The following LATS2 variants were observed in gnomAD, a reference collection of about 807,000 sequenced individuals.
LATS2 encodes the protein serine/threonine-protein kinase LATS2.
LATS2 carries 24 observed loss-of-function variants against 76.0 expected under a neutral mutation model. The ratio of observed to expected loss-of-function variants is 0.32; its 90% CI spans 0.23 to 0.44. LATS2 has a LOEUF of 0.44. Among genes scored for constraint, LATS2 ranks in the 20% least tolerant of loss-of-function variants. The pLI is 1.00. For synonymous variants in LATS2, 692 were observed against 635.4 expected, an observed-to-expected ratio of 1.09 and a Z score of -1.34; for missense variants, 1,286 against 1,481.2, an observed-to-expected ratio of 0.87 and a Z score of 2.16.
At chr13:21,051,540 T>A (rs1446423911) in intron 1 of LATS2, among the ~76,000 whole-genome samples, 2 of 152,034 alleles carry the variant, frequency 1.3e-5, no homozygotes, top group Non-Finnish European at 2.9e-5. Flanking sequence ...AAGTTTCTGG[T>A]TTGAAAAATG....
At chr13:20,989,818 GTTTTT>G (rs201109040) in intron 3 of LATS2, among the ~76,000 whole-genome samples, 1 of 151,920 alleles carries the variant, frequency 6.6e-6, no homozygotes, top group Non-Finnish European at 1.5e-5. Flanking sequence ...AGACTTTCTA[GTTTTT>G]TTTGTCTATA....
intron 2 of LATS2, among the ~76,000 whole-genome samples, chr13:21,022,381 C>T (rs553089): frequency 0.41 from 62,961 of 151,934 alleles, 14,865 homozygotes; most frequent in African/African-American, 0.63. Flanking sequence ...GCCATGCATG[C>T]ACCTAGATGG....
chr13:21,021,933 C>A (rs1221644051), intron 2 of LATS2, among the ~76,000 whole-genome samples: 2 of 152,054 alleles, frequency 1.3e-5, no homozygotes, highest in Non-Finnish European at 2.9e-5. Flanking sequence ...AGAGAAAAAC[C>A]AAAAATCTTT....
Position 21,007,577 on chromosome 13 carries a change from A to AG in LATS2, c.343-16174_343-16173insC, listed in dbSNP as rs375364724. On this transcript the variant is annotated intron_variant, in intron 2 of 7. Coordinates refer to ENST00000382592, the MANE Select transcript of LATS2 (RefSeq NM_014572.3). Reference sequence around the variant, plus strand: ...TATATATATATATATATATATATATATATATATATAGTATATATATATATA... The same window carrying AG: ...TATATATATATATATATATATATATAGTATATATATAGTATATATATATATA... Among the ~76,000 whole-genome samples the AG allele has an allele frequency of 3.9e-3, 76 of 19,572 alleles. 15 individuals are homozygous for AG. The highest frequency in any genetic ancestry group is 0.026 in the African/African-American group (65 of 2,462). The allele number at this position is 19,572 out of a possible 152,430, so 12.8% of individuals were successfully genotyped here. A position where few individuals can be genotyped will look rare whatever the true frequency, so the allele number is the denominator to read the frequency against.
intron 1 of LATS2, among the ~76,000 whole-genome samples, chr13:21,049,327 AG>A (rs559576917): frequency 1.2e-3 from 187 of 152,324 alleles, no homozygotes; most frequent in Non-Finnish European, 2.3e-3. Context: ...TGGGCTTAGA[AG>A]GGACAAGTGC....
At chr13:21,031,021 T>G (rs1414869458) in intron 2 of LATS2, among the ~76,000 whole-genome samples, 1 of 152,234 alleles carries the variant, frequency 6.6e-6, no homozygotes, top group African/African-American at 2.4e-5. Context: ...CTTCAGCACT[T>G]TGTGTCATTT....
chr13:21,060,657 G>A (rs868866416), intron 1 of LATS2, among the ~76,000 whole-genome samples: 3 of 151,660 alleles, frequency 2.0e-5, no homozygotes, highest in Admixed American at 2.0e-4. Flanking sequence ...CGCGGCAGTG[G>A]GTGAGGCGGC....
chr13:21,046,193 A>G lies in LATS2; in HGVS notation c.-167T>C, dbSNP rs1204372124. On this transcript the variant is annotated 5_prime_UTR_variant, in exon 2 of 8. Transcript: ENST00000382592. ...TTTTGTAGTTCCTATAGAGAACCTAAAATTTTCCAAAGTCTTCATTTTGAA... is the reference window on the plus strand; with the variant it reads ...TTTTGTAGTTCCTATAGAGAACCTAGAATTTTCCAAAGTCTTCATTTTGAA... 1 of 524,566 alleles carries G rather than the reference A, an allele frequency of 1.9e-6. No individual in the cohort carries two copies. Among genetic ancestry groups the G allele is most frequent in the Non-Finnish European group, 3.3e-6 (1 of 304,524 alleles). 32.5% of individuals were successfully genotyped at this position (524,566 alleles called of 1,614,324 possible). A position where few individuals can be genotyped will look rare whatever the true frequency, so the allele number is the denominator to read the frequency against.
rs1255591169 is a variant in LATS2 at position 20,983,853 on chromosome 13, C to T, written c.1900-47G>A. On this transcript the variant is annotated intron_variant, in intron 4 of 7. Transcript: ENST00000382592. ...GAGGAAGAATCACATTAGAGAAGTC[C>T]CATGATAACAAATGACTGGGATGGG... The T allele has an allele frequency of 5.5e-6, 8 of 1,460,570 alleles. No individual in the cohort carries two copies. In the Admixed American group the frequency reaches 1.1e-4, roughly 20 times the overall value. 90.5% of individuals were successfully genotyped at this position (1,460,570 alleles called of 1,614,324 possible).
intron 3 of LATS2, 61 bp from the exon 4 acceptor site, chr13:20,989,365 T>C (rs2138292530): frequency 6.3e-7 from 1 of 1,575,352 alleles, no homozygotes; most frequent in East Asian, 2.2e-5. Context: ...GTTCTGGCAC[T>C]TCCAGGCTGG....
chr13:20,975,274 C>A lies in LATS2; in HGVS notation c.2863G>T (p.Ala955Ser), dbSNP rs764574613. Reference protein sequence around the residue: ...RDLITKLCCSADHRLGRNGAD... With the variant: ...RDLITKLCCSSDHRLGRNGAD... ...CCATTCCGCCCCAGGCGGTGGTCTG[C>A]GGAGCAGCACAGCTTGGTGATGAGG... is the stretch of plus-strand genomic sequence containing the variant. Residue 955 changes from alanine to serine, a missense_variant, in exon 8 of 8, where the codon GCA becomes TCA. By Grantham distance (99) the Ala-to-Ser change is moderately conservative. Around this residue, in one of 5 missense-constraint regions of LATS2, gnomAD observed 210 missense variants for 234.9 expected, o/e 0.89. Coordinates refer to ENST00000382592, the MANE Select transcript of LATS2 (RefSeq NM_014572.3). The A allele has an allele frequency of 9.3e-6, 15 of 1,613,828 alleles. No individual in the cohort carries two copies. In the East Asian group the frequency reaches 2.5e-4, roughly 26 times the overall value.
chr13:20,975,460 T>G (rs918361827), intron 7 of LATS2, 96 bp from the exon 8 acceptor site: 1 of 1,290,478 alleles, frequency 7.7e-7, no homozygotes, highest in African/African-American at 1.5e-5. Context: ...TATGTTTAGT[T>G]TCACAATAGG....
At chr13:20,985,828 C>T (rs369800545) in intron 4 of LATS2, among the ~76,000 whole-genome samples, 6 of 151,882 alleles carry the variant, frequency 4.0e-5, no homozygotes, top group Admixed American at 1.3e-4. Flanking sequence ...GGTGGATCAT[C>T]TGAGGTCGGA....
At chr13:21,014,041 A>G (rs1363835153) in intron 2 of LATS2, among the ~76,000 whole-genome samples, 2 of 151,990 alleles carry the variant, frequency 1.3e-5, no homozygotes, top group East Asian at 3.9e-4. Context: ...AGGAGGAGGA[A>G]GAAGGAGAGA....
chr13:20,988,146 C>T lies in LATS2; in HGVS notation c.1634G>A (p.Arg545His), dbSNP rs749940600. Residue 545 changes from arginine to histidine, a missense_variant, in exon 4 of 8, where the codon CGT becomes CAT. Arg to His is a conservative substitution (Grantham distance 29). This residue lies in a region of LATS2 where 710 missense variants were observed against 660.9 expected (regional missense o/e 1.07). Coordinates refer to ENST00000382592, the MANE Select transcript of LATS2 (RefSeq NM_014572.3). ...GCCCTCGGGCTCGTTGGGGCCCGCA[C>T]GGAGGCTCTGCTCCATGCCTGCGCA... is the stretch of plus-strand genomic sequence containing the variant. ...SLCAGMEQSL[R>H]AGPNEPEGGD... is the part of the protein sequence containing the mutation. 3 of 1,614,040 alleles carry T rather than the reference C, an allele frequency of 1.9e-6. No individual in the cohort carries two copies. The highest frequency in any genetic ancestry group is 2.7e-5 in the African/African-American group (2 of 74,956).
rs1869477570 is a variant in LATS2 at position 20,974,201 on chromosome 13, A to G, written c.*669T>C. The G allele has an allele frequency of 4.4e-6, 1 of 225,912 alleles. No homozygotes were observed. The highest frequency in any genetic ancestry group is 2.2e-5 in the African/African-American group (1 of 44,836). The allele number at this position is 225,912 out of a possible 1,614,324, so 14.0% of individuals were successfully genotyped here. On this transcript the variant is annotated 3_prime_UTR_variant, in exon 8 of 8. Transcript: ENST00000382592. The stretch of plus-strand genomic sequence containing the variant: ...CAAGATATGGTAATTTTATAATAGA[A>G]GAACTCTGCTCATGCAGTACTCTCC...
chr13:21,060,803 T>C (rs1426009568), intron 1 of LATS2, among the ~76,000 whole-genome samples: 1 of 150,760 alleles, frequency 6.6e-6, no homozygotes, highest in Non-Finnish European at 1.5e-5. Flanking sequence ...CGTGGGACGA[T>C]GGCGCGGCCG....
intron 1 of LATS2, among the ~76,000 whole-genome samples, chr13:21,050,526 G>GTA (rs1345162250): frequency 1.3e-5 from 2 of 152,158 alleles, no homozygotes; most frequent in African/African-American, 4.8e-5. Flanking sequence ...CATACACGTA[G>GTA]TATATATATA....
At position 20,973,940 on chromosome 13, in the gene LATS2, T is replaced by C. The variant is rs1475531438; in HGVS notation, c.*930A>G. 4.6e-6 allele frequency: 1 copy of C among 216,480 alleles called. No homozygotes were observed. Among genetic ancestry groups the C allele is most frequent in the African/African-American group, 2.3e-5 (1 of 43,552 alleles). The allele number at this position is 216,480 out of a possible 1,614,324, so 13.4% of individuals were successfully genotyped here. A position where few individuals can be genotyped will look rare whatever the true frequency, so the allele number is the denominator to read the frequency against. On this transcript the variant is annotated 3_prime_UTR_variant, in exon 8 of 8. Coordinates refer to ENST00000382592, the MANE Select transcript of LATS2 (RefSeq NM_014572.3). ...CGCTGTATTAATCCCTTTTGATGTATATAAGTTCAGTATATGACAAATGTT... is the reference window on the plus strand; with the variant it reads ...CGCTGTATTAATCCCTTTTGATGTACATAAGTTCAGTATATGACAAATGTT...
Sources: gnomAD v4.1 joint callset for allele counts (sites outside exome capture counted in the v4.1 genomes callset) on GRCh38, gnomAD v4.1.1 for gene constraint, gnomAD v4.1.1 regional missense constraint, MANE v1.5 for transcripts, NCBI Gene and HGNC (gene_info 2026-07-23, HGNC 2026-07-21) for gene names.